The following BLOC1S3 variants were observed in gnomAD, a reference collection of about 807,000 sequenced individuals.
The protein encoded by BLOC1S3 is biogenesis of lysosome-related organelles complex 1 subunit 3.
Under a neutral mutation model 9.1 loss-of-function variants are expected in BLOC1S3, and 7 were observed. That is an observed-to-expected ratio of 0.77 (90% CI 0.44 to 1.45). The LOEUF is 1.45. Among genes scored for constraint, BLOC1S3 ranks in the 40% most tolerant of loss-of-function variants. The probability of loss-of-function intolerance (pLI) is 0.01; values close to 1 mark genes in which losing one functional copy is unlikely to be tolerated. For missense variants in BLOC1S3, 307 were observed against 315.2 expected (o/e 0.97, Z 0.20); for synonymous variants, 145 against 158.4 (o/e 0.92, Z 0.64).
chr19:45,198,528 AG>A (rs749271486), intron 2 of BLOC1S3, among the ~76,000 whole-genome samples: 3 of 152,202 alleles, frequency 2.0e-5, no homozygotes, highest in Non-Finnish European at 4.4e-5. Flanking sequence ...TCCTGACCTC[AG>A]GTGATCCACC....
Position 45,179,699 on chromosome 19 carries a change from G to C in BLOC1S3, c.403G>C (p.Ala135Pro), listed in dbSNP as rs777289165. Residue 135 changes from alanine to proline, a missense_variant, in exon 2 of 2, where the codon GCA becomes CCA. Coordinates refer to ENST00000433642, the MANE Select transcript of BLOC1S3 (RefSeq NM_212550.5). This position sits in a 1 kb window ranked among gnomAD's most constrained non-coding sequence, Gnocchi z 4.6. ...CGCCGTGAGCGGTGTCTACCGCCGTGCAGGCCGCGACGTGGCCGCCCTGGC... is the reference window on the plus strand; with the variant it reads ...CGCCGTGAGCGGTGTCTACCGCCGTCCAGGCCGCGACGTGGCCGCCCTGGC... ...AAAVSGVYRRAGRDVAALASR... is the reference protein window; with the variant it reads ...AAAVSGVYRRPGRDVAALASR... The C allele has an allele frequency of 2.2e-5, 32 of 1,461,798 alleles. No homozygotes were observed. The highest frequency in any genetic ancestry group is 7.2e-6 in the Non-Finnish European group (8 of 1,113,578). 90.6% of individuals were successfully genotyped at this position (1,461,798 alleles called of 1,614,324 possible).
intron 3 of BLOC1S3, chr19:45,213,104 GC>G: frequency 6.5e-7 from 1 of 1,536,624 alleles, no homozygotes; most frequent in Non-Finnish European, 8.7e-7. Context: ...AGAGACGGAG[GC>G]CGGGGCCGAG....
chr19:45,206,449 A>ATTTTT (rs1401665312), intron 3 of BLOC1S3, among the ~76,000 whole-genome samples: 3 of 48,612 alleles, frequency 6.2e-5, no homozygotes, highest in South Asian at 5.5e-4. Flanking sequence ...GGATTAATCA[A>ATTTTT]GTTTTTTTTT....
At chr19:45,199,620 C>CT (rs1969674624) in intron 2 of BLOC1S3, among the ~76,000 whole-genome samples, 1 of 151,644 alleles carries the variant, frequency 6.6e-6, no homozygotes, top group African/African-American at 2.4e-5. Context: ...GGCCTTTATT[C>CT]TTTTTTATTT....
chr19:45,211,974 C>T (rs565781252), intron 3 of BLOC1S3, among the ~76,000 whole-genome samples: 6 of 152,120 alleles, frequency 3.9e-5, no homozygotes, highest in Admixed American at 2.0e-4. Flanking sequence ...TTTCCCACCC[C>T]GAGACTTTCC....
In BLOC1S3 at chr19:45,179,210, G is replaced by T. The variant is rs2122879222; in HGVS notation, c.-9-78G>T. On this transcript the variant is annotated intron_variant, in intron 1 of 1. Coordinates refer to ENST00000433642, the MANE Select transcript of BLOC1S3 (RefSeq NM_212550.5). The surrounding 1 kb of genome is among the most constrained non-coding windows in gnomAD (Gnocchi z 4.6). Reference sequence around the variant, plus strand: ...AGTCGTTAAGAGAATCAGCGAAGGGGCTGGGAATCCAGGACCTGCGCCTTT... The same window carrying T: ...AGTCGTTAAGAGAATCAGCGAAGGGTCTGGGAATCCAGGACCTGCGCCTTT... 8 of 1,392,250 alleles carry T rather than the reference G, an allele frequency of 5.7e-6. No individual in the cohort carries two copies. The East Asian group carries it at 1.4e-4, about 25-fold the overall frequency. 86.2% of individuals were successfully genotyped at this position (1,392,250 alleles called of 1,614,324 possible).
intron 2 of BLOC1S3, among the ~76,000 whole-genome samples, chr19:45,189,309 T>C (rs1337432645): frequency 6.6e-6 from 1 of 152,194 alleles, no homozygotes; most frequent in Non-Finnish European, 1.5e-5. Flanking sequence ...TATGTGCCAC[T>C]GCACCCAGCC....
Position 45,180,115 on chromosome 19 carries a change from G to C in BLOC1S3, c.*210G>C, listed in dbSNP as rs1969495836. On this transcript the variant is annotated 3_prime_UTR_variant, in exon 2 of 2. Coordinates refer to ENST00000433642, the MANE Select transcript of BLOC1S3 (RefSeq NM_212550.5). ...GGAGACCAGGGCCCCACTATCCTTA[G>C]ATCTGGTTCCTCTCCCGATCCTGAC... 1 of 523,236 alleles carries C rather than the reference G, an allele frequency of 1.9e-6. No homozygotes were observed. 32.4% of individuals were successfully genotyped at this position (523,236 alleles called of 1,614,324 possible).
chr19:45,209,338 T>C (rs1171508937), intron 3 of BLOC1S3, among the ~76,000 whole-genome samples: 1 of 151,732 alleles, frequency 6.6e-6, no homozygotes, highest in Non-Finnish European at 1.5e-5. Flanking sequence ...CATAAGCCAC[T>C]GCGCCTGACC....
chr19:45,179,928 G>T lies in BLOC1S3; in HGVS notation c.*23G>T. The T allele has an allele frequency of 6.2e-7, 1 of 1,602,404 alleles. No individual in the cohort carries two copies. Among genetic ancestry groups the T allele is most frequent in the South Asian group, 1.1e-5 (1 of 90,494 alleles). The stretch of plus-strand genomic sequence containing the variant: ...TAGCCATGATTCTACTTCCCAACCT[G>T]ACTGCAATTTGGGGGTAGGCCTTGC... On this transcript the variant is annotated 3_prime_UTR_variant, in exon 2 of 2. Coordinates refer to ENST00000433642, the MANE Select transcript of BLOC1S3 (RefSeq NM_212550.5). The surrounding 1 kb of genome is among the most constrained non-coding windows in gnomAD (Gnocchi z 4.6).
intron 3 of BLOC1S3, chr19:45,213,444 C>CA: frequency 6.6e-7 from 1 of 1,519,674 alleles, no homozygotes; most frequent in Non-Finnish European, 8.9e-7. Flanking sequence ...CTGACCCCCT[C>CA]ACCTATCCCA....
chr19:45,179,281 C>G lies in BLOC1S3; in HGVS notation c.-9-7C>G. ...TCACGTGCAGTCCCTTCGCTCTTCT[C>G]CCCTAGTTCGGTGCCATGGCGTCCC... On this transcript the variant is annotated splice_polypyrimidine_tract_variant and splice_region_variant and intron_variant, in intron 1 of 1. Transcript: ENST00000433642. This position sits in a 1 kb window ranked among gnomAD's most constrained non-coding sequence, Gnocchi z 4.6. The G allele has an allele frequency of 6.4e-7, 1 of 1,571,794 alleles. No homozygotes were observed. Among genetic ancestry groups the G allele is most frequent in the Non-Finnish European group, 8.6e-7 (1 of 1,168,130 alleles).
At chr19:45,183,623 C>CTTTTTTTTT (rs57651816), downstream of BLOC1S3, among the ~76,000 whole-genome samples, 80 of 105,060 alleles carry the variant, frequency 7.6e-4, no homozygotes, top group African/African-American at 1.5e-3. Context: ...CTTTTCTTTT[C>CTTTTTTTTT]TTTTTTTTTT....
intron 2 of BLOC1S3, among the ~76,000 whole-genome samples, chr19:45,194,090 A>C (rs34794082): frequency 8.7e-6 from 1 of 114,680 alleles, no homozygotes; most frequent in Non-Finnish European, 1.7e-5. Context: ...GGTGTGAGCC[A>C]CCGCGCCTGG....
At chr19:45,192,191 T>C (rs1337457740) in intron 2 of BLOC1S3, among the ~76,000 whole-genome samples, 1 of 152,208 alleles carries the variant, frequency 6.6e-6, no homozygotes, top group Non-Finnish European at 1.5e-5. Context: ...CCTCTCCCTG[T>C]GGCCACCACT....
intron 3 of BLOC1S3, among the ~76,000 whole-genome samples, chr19:45,210,936 C>A (rs1969765329): frequency 6.6e-6 from 1 of 151,938 alleles, no homozygotes; most frequent in African/African-American, 2.4e-5. Flanking sequence ...CATAGTGAGA[C>A]TCTGTCTTTA....
At chr19:45,214,487 CAG>C (rs1333886138) in intron 3 of BLOC1S3, among the ~76,000 whole-genome samples, 2 of 149,952 alleles carry the variant, frequency 1.3e-5, no homozygotes, top group African/African-American at 2.5e-5. Context: ...TGTTTTGAGA[CAG>C]AGTCTTGCTC....
Position 45,204,968 on chromosome 19 carries a change from G to A in BLOC1S3, n.282+2461G>A, listed in dbSNP as rs113658031. On this transcript the variant is annotated intron_variant and non_coding_transcript_variant, in intron 3 of 3. Coordinates refer to the BLOC1S3 transcript ENST00000591569. Reference sequence around the variant, plus strand: ...AGGCTGGTCTCAAACTCCTGACCTCGCGTAATCCCCCCACCTTGGCCTCCC... The same window carrying A: ...AGGCTGGTCTCAAACTCCTGACCTCACGTAATCCCCCCACCTTGGCCTCCC... Among the ~76,000 whole-genome samples the A allele has an allele frequency of 8.6e-3, 1,304 of 151,894 alleles. 17 individuals are homozygous for A. Among genetic ancestry groups the A allele is most frequent in the African/African-American group, 0.03 (1,235 of 41,424 alleles).
chr19:45,194,102 CTTTTTTTTTTT>C lies in BLOC1S3; in HGVS notation n.180+6377_180+6387del, dbSNP rs34470523. Among the ~76,000 whole-genome samples, 230 of 45,126 alleles carry C rather than the reference CTTTTTTTTTTT, an allele frequency of 5.1e-3. 5 individuals carry two copies. Among genetic ancestry groups the C allele is most frequent in the African/African-American group, 0.025 (216 of 8,688 alleles). The allele number at this position is 45,126 out of a possible 152,430, so 29.6% of individuals were successfully genotyped here. A position where few individuals can be genotyped will look rare whatever the true frequency, so the allele number is the denominator to read the frequency against. On this transcript the variant is annotated intron_variant and non_coding_transcript_variant, in intron 2 of 3. Coordinates refer to the BLOC1S3 transcript ENST00000591569. ...ACAGGTGTGAGCCACCGCGCCTGGC[CTTTTTTTTTTT>C]TTTTTTTTTTTTTTAATGAGATGGA...
Sources: gnomAD v4.1 joint callset for allele counts (sites outside exome capture counted in the v4.1 genomes callset) on GRCh38, gnomAD v4.1.1 for gene constraint, Gnocchi (gnomAD v3.1) non-coding constraint, MANE v1.5 for transcripts, NCBI Gene and HGNC (gene_info 2026-07-23, HGNC 2026-07-21) for gene names.